The following NRXN1 variants were observed in gnomAD, a reference collection of about 807,000 sequenced individuals.
The protein encoded by NRXN1 is neurexin-1.
NRXN1 carries 39 observed loss-of-function variants against 150.9 expected under a neutral mutation model. That is an observed-to-expected ratio of 0.26 (90% CI 0.20 to 0.34). The LOEUF is 0.34. Ranked by LOEUF, NRXN1 falls within the 10% of genes least tolerant of loss-of-function variation. The probability of loss-of-function intolerance (pLI) is 1.00; values close to 1 mark genes in which losing one functional copy is unlikely to be tolerated. For synonymous variants in NRXN1, 924 were observed against 757.0 expected (o/e 1.22, Z -3.62); for missense variants, 1,815 against 1,949.9 (o/e 0.93, Z 1.30).
chr2:50,835,268 A>G (rs1175847326), intron 5 of NRXN1, among the ~76,000 whole-genome samples: 1 of 152,168 alleles, frequency 6.6e-6, no homozygotes, highest in Non-Finnish European at 1.5e-5. Flanking sequence ...AATATGATAT[A>G]AAAGAAAATC....
chr2:50,278,884 A>C (rs1042877652), intron 17 of NRXN1, among the ~76,000 whole-genome samples: 3 of 152,222 alleles, frequency 2.0e-5, no homozygotes, highest in African/African-American at 4.8e-5. Context: ...AAACCATTAA[A>C]ATAATCTAGA....
At chr2:50,420,623 AG>A (rs2083910422) in intron 17 of NRXN1, among the ~76,000 whole-genome samples, 1 of 152,034 alleles carries the variant, frequency 6.6e-6, no homozygotes, top group Non-Finnish European at 1.5e-5. Flanking sequence ...TGACCATATG[AG>A]GTATTTCACT....
chr2:50,607,864 A>G (rs1677387053), intron 8 of NRXN1, among the ~76,000 whole-genome samples: 1 of 152,086 alleles, frequency 6.6e-6, no homozygotes, highest in Non-Finnish European at 1.5e-5. Flanking sequence ...TATTACTTAG[A>G]TAGTCAACGC....
At chr2:50,934,427 G>A (rs762927931) in intron 2 of NRXN1, among the ~76,000 whole-genome samples, 2 of 151,772 alleles carry the variant, frequency 1.3e-5, no homozygotes, top group African/African-American at 4.8e-5. Flanking sequence ...GTACGTATTA[G>A]AAAAACAGAG....
intron 17 of NRXN1, among the ~76,000 whole-genome samples, chr2:50,450,455 C>G (rs1430604656): frequency 1.3e-5 from 2 of 150,468 alleles, no homozygotes; most frequent in Non-Finnish European, 3.0e-5. Context: ...AAAAAAAATC[C>G]CTTCTATCCT....
intron 5 of NRXN1, chr2:50,917,199 G>T (rs1685330771): frequency 6.6e-6 from 1 of 151,592 alleles, no homozygotes; most frequent in African/African-American, 2.4e-5. Flanking sequence ...CATTTCAACA[G>T]TAAGGGTCTG....
chr2:50,695,400 A>C, intron 5 of NRXN1, among the ~76,000 whole-genome samples: 1 of 152,184 alleles, frequency 6.6e-6, no homozygotes, highest in Non-Finnish European at 1.5e-5. Context: ...TATAACATAA[A>C]GTGGTGTACC....
intron 2 of NRXN1, among the ~76,000 whole-genome samples, chr2:50,976,620 A>G (rs891760685): frequency 6.6e-6 from 1 of 152,020 alleles, no homozygotes; most frequent in Non-Finnish European, 1.5e-5. Context: ...TATATTAATA[A>G]AGGAAAAGTG....
At chr2:50,056,683 T>C (rs1023633409) in intron 19 of NRXN1, among the ~76,000 whole-genome samples, 1 of 152,004 alleles carries the variant, frequency 6.6e-6, no homozygotes. Flanking sequence ...TATTTGGAAT[T>C]TTTTTTTAAT....
At chr2:50,609,471 T>C (rs2104050605) in intron 8 of NRXN1, among the ~76,000 whole-genome samples, 1 of 152,222 alleles carries the variant, frequency 6.6e-6, no homozygotes, top group South Asian at 2.1e-4. Flanking sequence ...ATAAAGTTTA[T>C]ACTTGATTGA....
chr2:50,557,477 G>A (rs539174767), intron 8 of NRXN1, among the ~76,000 whole-genome samples: 2 of 152,228 alleles, frequency 1.3e-5, no homozygotes, highest in South Asian at 2.1e-4. Context: ...AATAAGGAGT[G>A]AGGCCTAAGA....
chr2:50,465,032 C>G (rs1420502482), intron 17 of NRXN1, among the ~76,000 whole-genome samples: 2 of 151,454 alleles, frequency 1.3e-5, no homozygotes, highest in Non-Finnish European at 2.9e-5. Context: ...GAGATGTACG[C>G]AGAGAGAAAA....
Position 50,758,757 on chromosome 2 carries a change from A to C in NRXN1, c.833-135142T>G, listed in dbSNP as rs566262528. 6.6e-5 allele frequency among the ~76,000 whole-genome samples: 10 copies of C among 152,036 alleles called. No individual in the cohort carries two copies. In the South Asian group the frequency reaches 2.1e-3, roughly 32 times the overall value. On this transcript the variant is annotated intron_variant, in intron 5 of 22. Coordinates refer to ENST00000401669, the MANE Select transcript of NRXN1 (RefSeq NM_001330078.2). ...ATCCTGTGGATCAACTTCATGTCAG[A>C]AAGCAAAAAGTAAAAATAACACCTT...
At chr2:50,975,943 G>A (rs912285504) in intron 2 of NRXN1, among the ~76,000 whole-genome samples, 2 of 151,986 alleles carry the variant, frequency 1.3e-5, no homozygotes, top group African/African-American at 2.4e-5. Context: ...GAGAAGGCCA[G>A]CCTTATTAAG....
rs1057517946 is a variant in NRXN1, at chr2:50,346,947, C to A, written c.3365-109977G>T. ...CGCCGCACCGGAGCATCCTCTGGTA[C>A]ATGGCGGGGCGCCCGCCGAGGGGCA... On this transcript the variant is annotated intron_variant, in intron 17 of 22. Transcript: ENST00000401669. The surrounding 1 kb of genome is among the most constrained non-coding windows in gnomAD (Gnocchi z 5.0). 5 of 1,370,212 alleles carry A rather than the reference C, an allele frequency of 3.6e-6. No individual in the cohort carries two copies. Among genetic ancestry groups the A allele is most frequent in the Admixed American group, 6.1e-5 (2 of 32,980 alleles). 84.9% of individuals were successfully genotyped at this position (1,370,212 alleles called of 1,614,324 possible).
At chr2:50,852,057 G>A (rs1236899351) in intron 5 of NRXN1, among the ~76,000 whole-genome samples, 1 of 152,158 alleles carries the variant, frequency 6.6e-6, no homozygotes, top group African/African-American at 2.4e-5. Flanking sequence ...AAGGGACACA[G>A]GTGGAAGGCC....
intron 17 of NRXN1, chr2:50,312,782 C>CTAAATGAAGTGATTTTAT: frequency 5.8e-6 from 3 of 514,306 alleles, no homozygotes; most frequent in South Asian, 4.2e-5. Flanking sequence ...TCATTTATCA[C>CTAAATGAAGTGATTTTAT]CAGCTAAAAA....
At chr2:50,358,399 G>T (rs919729308) in intron 17 of NRXN1, among the ~76,000 whole-genome samples, 1 of 152,138 alleles carries the variant, frequency 6.6e-6, no homozygotes, top group Non-Finnish European at 1.5e-5. Flanking sequence ...GTGTGGGGAG[G>T]GACGTCCACC....
chr2:50,475,410 C>CAGTA (rs71404956), intron 15 of NRXN1, among the ~76,000 whole-genome samples: 79,811 of 151,178 alleles, frequency 0.53, 21,436 homozygotes, highest in Middle Eastern at 0.59. Flanking sequence ...AAAGAGGAAA[C>CAGTA]AGTAAGGCAA....
Sources: allele counts gnomAD v4.1 joint callset (sites outside exome capture counted in the v4.1 genomes callset), GRCh38; gene constraint gnomAD v4.1.1; non-coding constraint Gnocchi (gnomAD v3.1); transcripts MANE v1.5; gene names NCBI Gene and HGNC (gene_info 2026-07-23, HGNC 2026-07-21).